The following SGCD variants were observed in gnomAD, a reference collection of about 807,000 sequenced individuals.
SGCD encodes the protein delta-sarcoglycan.
In SGCD, 18 loss-of-function variants were observed where a neutral mutation model predicts 36.6. The ratio of observed to expected loss-of-function variants is 0.49; its 90% CI spans 0.34 to 0.73. The LOEUF is 0.73. Ranked by LOEUF, SGCD falls within the 30% of genes least tolerant of loss-of-function variation. The pLI, the probability that SGCD is intolerant of heterozygous loss-of-function variation, is 0.01. For synonymous variants in SGCD, 133 were observed against 130.6 expected, an observed-to-expected ratio of 1.02 and a Z score of -0.12; for missense variants, 387 against 346.7, an observed-to-expected ratio of 1.12 and a Z score of -0.92.
rs115879567 is a variant in SGCD at position 156,454,476 on chromosome 5, G to T, written c.193-54125G>T. ...TCCCCAAGATTTGGATTTATACTTT[G>T]TTGGAGACAATGTGGTGAATTCAGC... On this transcript the variant is annotated intron_variant, in intron 3 of 8. Coordinates refer to ENST00000337851, the MANE Select transcript of SGCD (RefSeq NM_000337.6). Among the ~76,000 whole-genome samples, 1,338 of 152,318 alleles carry T rather than the reference G, an allele frequency of 8.8e-3. 17 individuals are homozygous for T. The highest frequency in any genetic ancestry group is 0.024 in the African/African-American group (1,006 of 41,574).
At chr5:156,693,748 C>T (rs189684987) in intron 7 of SGCD, among the ~76,000 whole-genome samples, 170 of 152,178 alleles carry the variant, frequency 1.1e-3, no homozygotes, top group Non-Finnish European at 1.5e-3. Flanking sequence ...TCACAAATTG[C>T]AGTTGACAGT....
intron 3 of SGCD, among the ~76,000 whole-genome samples, chr5:156,165,937 A>G (rs1763201450): frequency 6.6e-6 from 1 of 152,240 alleles, no homozygotes; most frequent in Admixed American, 6.5e-5. Flanking sequence ...GGAAATAGCA[A>G]AAAGTTTTTT....
intron 3 of SGCD, among the ~76,000 whole-genome samples, chr5:156,309,400 A>G (rs1389576972): frequency 6.6e-6 from 1 of 151,828 alleles, no homozygotes; most frequent in African/African-American, 2.4e-5. Context: ...ATTTTCTTCA[A>G]AATTGCTGAT....
intron 1 of SGCD, among the ~76,000 whole-genome samples, chr5:155,980,563 C>T (rs66754916): frequency 0.23 from 28,687 of 125,920 alleles, 3,784 homozygotes; most frequent in South Asian, 0.35. Context: ...ACTCCAGCCT[C>T]GGTGACAGAG....
At chr5:156,376,217 C>T (rs950008468) in intron 3 of SGCD, among the ~76,000 whole-genome samples, 2 of 152,192 alleles carry the variant, frequency 1.3e-5, no homozygotes, top group African/African-American at 4.8e-5. Flanking sequence ...ATTGCAATGG[C>T]TCCCCATATC....
At chr5:156,387,546 G>GGGAC (rs1227149797) in intron 3 of SGCD, among the ~76,000 whole-genome samples, 2 of 152,144 alleles carry the variant, frequency 1.3e-5, no homozygotes, top group Non-Finnish European at 2.9e-5. Context: ...GCTGAGTCAA[G>GGGAC]GGACTAACAG....
chr5:155,831,284 C>T, the SGCD span, among the ~76,000 whole-genome samples: 1 of 152,184 alleles, frequency 6.6e-6, no homozygotes, highest in Admixed American at 6.5e-5. Flanking sequence ...GACTGCCTCT[C>T]CTTGATATCA....
At chr5:156,150,759 G>C (rs766686997) in intron 3 of SGCD, among the ~76,000 whole-genome samples, 1 of 151,562 alleles carries the variant, frequency 6.6e-6, no homozygotes, top group Admixed American at 6.6e-5. Context: ...GCGGTGACTT[G>C]CTTTCTCTTA....
intron 3 of SGCD, among the ~76,000 whole-genome samples, chr5:156,299,256 A>G (rs370348897): frequency 4.3e-4 from 66 of 152,204 alleles, no homozygotes; most frequent in African/African-American, 1.5e-3. Context: ...CTGTAGATGC[A>G]TGGATTTATT....
chr5:156,380,421 A>G (rs1770918170), intron 3 of SGCD, among the ~76,000 whole-genome samples: 1 of 152,242 alleles, frequency 6.6e-6, no homozygotes, highest in African/African-American at 2.4e-5. Context: ...GGGGTTGACT[A>G]GGCAGAATTT....
chr5:156,455,487 T>C (rs1754219767), intron 3 of SGCD, among the ~76,000 whole-genome samples: 1 of 152,086 alleles, frequency 6.6e-6, no homozygotes, highest in Non-Finnish European at 1.5e-5. Context: ...ACTCAGTACT[T>C]TTCCACTCCT....
At chr5:155,906,259 T>C (rs34689423) in intron 1 of SGCD, among the ~76,000 whole-genome samples, 10,862 of 152,102 alleles carry the variant, frequency 0.071, 513 homozygotes, top group African/African-American at 0.12. Flanking sequence ...CCCCTCTCAT[T>C]TCCTCTTCTT....
At chr5:155,747,275 G>A in the SGCD span, among the ~76,000 whole-genome samples, 7 of 152,186 alleles carry the variant, frequency 4.6e-5, no homozygotes, top group African/African-American at 1.7e-4. Context: ...ATAGAACACA[G>A]TAAGTGGGGT....
intron 3 of SGCD, among the ~76,000 whole-genome samples, chr5:156,394,551 G>T (rs1309910713): frequency 6.6e-6 from 1 of 152,260 alleles, no homozygotes; most frequent in South Asian, 2.1e-4. Flanking sequence ...AGCTACTTAA[G>T]TTCCTAGACA....
intron 3 of SGCD, among the ~76,000 whole-genome samples, chr5:156,160,556 A>G (rs1763063332): frequency 6.6e-6 from 1 of 151,730 alleles, no homozygotes; most frequent in Non-Finnish European, 1.5e-5. Context: ...ATCTCTTATT[A>G]TAAGTGCTTT....
the SGCD span, among the ~76,000 whole-genome samples, chr5:155,841,922 G>A: frequency 1.9e-4 from 29 of 152,166 alleles, no homozygotes; most frequent in African/African-American, 6.5e-4. Flanking sequence ...CTGGTGGTGG[G>A]GTGGGTCATG....
chr5:156,188,668 G>GCC (rs869072010), intron 3 of SGCD, among the ~76,000 whole-genome samples: 1 of 90,254 alleles, frequency 1.1e-5, no homozygotes, highest in African/African-American at 5.7e-5. Flanking sequence ...CACCCCAACC[G>GCC]CCCCCCCCGA....
intron 1 of SGCD, among the ~76,000 whole-genome samples, chr5:155,877,609 C>T (rs1008943705): frequency 2.6e-5 from 4 of 152,072 alleles, no homozygotes; most frequent in Non-Finnish European, 5.9e-5. Flanking sequence ...TACAAACAGT[C>T]AAGCTTAAAT....
At chr5:156,028,204 A>T (rs1759266400) in intron 1 of SGCD, among the ~76,000 whole-genome samples, 1 of 152,202 alleles carries the variant, frequency 6.6e-6, no homozygotes, top group Admixed American at 6.6e-5. Flanking sequence ...TATCATTGTT[A>T]GTCATAATGG....
Sources: allele counts gnomAD v4.1 joint callset (sites outside exome capture counted in the v4.1 genomes callset), GRCh38; gene constraint gnomAD v4.1.1; transcripts MANE v1.5; gene names NCBI Gene and HGNC (gene_info 2026-07-23, HGNC 2026-07-21).